The following SMYD3 variants were observed in gnomAD, a reference collection of about 807,000 sequenced individuals.
SMYD3 encodes SET and MYND domain containing 3.
In SMYD3, 36 loss-of-function variants were observed where a neutral mutation model predicts 57.7. The observed-to-expected ratio is 0.62, with a 90% CI of 0.48 to 0.82. SMYD3 has a LOEUF of 0.82. Among genes scored for constraint, SMYD3 ranks in the 40% least tolerant of loss-of-function variants. The pLI, the probability that SMYD3 is intolerant of heterozygous loss-of-function variation, is 0.00. For synonymous variants in SMYD3, 211 were observed against 195.0 expected, an observed-to-expected ratio of 1.08 and a Z score of -0.68; for missense variants, 515 against 538.8, an observed-to-expected ratio of 0.96 and a Z score of 0.44.
intron 10 of SMYD3, among the ~76,000 whole-genome samples, chr1:245,851,315 A>G (rs1180921800): frequency 1.3e-5 from 2 of 152,206 alleles, no homozygotes; most frequent in East Asian, 3.8e-4. Context: ...TTAAGTAGGT[A>G]GGTCTCCATA....
chr1:246,052,597 G>A (rs2060082746), intron 5 of SMYD3: 1 of 152,226 alleles, frequency 6.6e-6, no homozygotes, highest in Non-Finnish European at 1.5e-5. Context: ...TTGGTTGAGG[G>A]AGACAGGAGG....
intron 5 of SMYD3, among the ~76,000 whole-genome samples, chr1:245,965,988 C>G (rs1026010911): frequency 1.3e-5 from 2 of 152,076 alleles, no homozygotes; most frequent in African/African-American, 4.8e-5. Context: ...AGGGAATGGC[C>G]AAGGGTTATA....
chr1:246,198,740 C>T (rs1225498038), intron 5 of SMYD3, among the ~76,000 whole-genome samples: 1 of 152,104 alleles, frequency 6.6e-6, no homozygotes, highest in Admixed American at 6.5e-5. Flanking sequence ...AAATAAATTA[C>T]CAGTATGAAC....
intron 5 of SMYD3, among the ~76,000 whole-genome samples, chr1:246,208,415 T>C (rs575700664): frequency 2.6e-5 from 4 of 152,262 alleles, no homozygotes; most frequent in African/African-American, 9.6e-5. Flanking sequence ...TTCATGATAA[T>C]AGAGTTAAAT....
intron 5 of SMYD3, among the ~76,000 whole-genome samples, chr1:246,113,068 G>C (rs1345148301): frequency 6.6e-6 from 1 of 152,044 alleles, no homozygotes; most frequent in Non-Finnish European, 1.5e-5. Context: ...TGTAATCTCA[G>C]ATACTCAGGA....
At chr1:245,785,452 T>C (rs1025588160) in intron 10 of SMYD3, among the ~76,000 whole-genome samples, 3 of 152,120 alleles carry the variant, frequency 2.0e-5, no homozygotes, top group African/African-American at 7.2e-5. Flanking sequence ...GCAGATGCAA[T>C]ACTGTGCCTT....
At chr1:246,352,833 CA>C (rs2065852873) in intron 2 of SMYD3, among the ~76,000 whole-genome samples, 1 of 151,996 alleles carries the variant, frequency 6.6e-6, no homozygotes, top group Admixed American at 6.5e-5. Context: ...AGTCACAAAA[CA>C]GGGGAAAAAA....
rs2059088627 is a variant in SMYD3 at position 246,002,519 on chromosome 1, CAT to C, written c.532-72584_532-72583del. Among the ~76,000 whole-genome samples, 8 of 65,420 alleles carry C rather than the reference CAT, an allele frequency of 1.2e-4. 1 individual carries two copies. Among genetic ancestry groups the C allele is most frequent in the African/African-American group, 2.5e-4 (5 of 19,612 alleles). The allele number at this position is 65,420 out of a possible 152,430, so 42.9% of individuals were successfully genotyped here. A position where few individuals can be genotyped will look rare whatever the true frequency, so the allele number is the denominator to read the frequency against. On this transcript the variant is annotated intron_variant, in intron 5 of 11. Transcript: ENST00000490107. ...ATTTTTAGTAGAGACGGGGTTTCAC[CAT>C]GTTAGCCAGGATGGTCTCGATCTCC...
intron 5 of SMYD3, among the ~76,000 whole-genome samples, chr1:246,223,780 C>T (rs372295521): frequency 6.6e-6 from 1 of 152,242 alleles, no homozygotes; most frequent in East Asian, 1.9e-4. Context: ...ACCTGACAAG[C>T]ACAGCTGACT....
intron 5 of SMYD3, among the ~76,000 whole-genome samples, chr1:246,186,122 T>C (rs909188780): frequency 4.6e-5 from 7 of 152,192 alleles, no homozygotes; most frequent in African/African-American, 1.7e-4. Context: ...TTTACTGTAT[T>C]GTTAAGAAAT....
Position 245,795,616 on chromosome 1 carries a change from T to C in SMYD3, c.1077-31467A>G, listed in dbSNP as rs1053085316. On this transcript the variant is annotated intron_variant, in intron 10 of 11. Coordinates refer to ENST00000490107, the MANE Select transcript of SMYD3 (RefSeq NM_001167740.2). ...TTGTCTCTTGTGGCCTAAAGCATGA[T>C]CTAACCATGCCAGCTCACCAAGGAG... Among the ~76,000 whole-genome samples, 3 of 152,322 alleles carry C rather than the reference T, an allele frequency of 2.0e-5. No homozygotes were observed. The South Asian group carries it at 6.2e-4, about 32-fold the overall frequency.
At chr1:246,294,332 T>C (rs2064753563) in intron 5 of SMYD3, among the ~76,000 whole-genome samples, 1 of 152,186 alleles carries the variant, frequency 6.6e-6, no homozygotes, top group Admixed American at 6.5e-5. Context: ...AGAGTTAGCT[T>C]TAGCAAATTC....
At chr1:246,339,032 G>C (rs774891362) in intron 2 of SMYD3, among the ~76,000 whole-genome samples, 2 of 152,146 alleles carry the variant, frequency 1.3e-5, no homozygotes, top group Non-Finnish European at 2.9e-5. Flanking sequence ...ATAATTGTCT[G>C]AGCCTAGAAC....
intron 5 of SMYD3, among the ~76,000 whole-genome samples, chr1:246,089,980 G>A (rs868014674): frequency 2.0e-5 from 3 of 151,650 alleles, no homozygotes; most frequent in African/African-American, 7.3e-5. Context: ...TCCACTGGCT[G>A]GCACTAGAAG....
rs564864548 is a variant in SMYD3 at position 246,053,516 on chromosome 1, G to A, written c.532-123579C>T. ...CAGAAACAGGCCTACACAAACATGG[G>A]CAATTGATCTCCAACAAAGATGAAA... is the stretch of plus-strand genomic sequence containing the variant. On this transcript the variant is annotated intron_variant, in intron 5 of 11. Transcript: ENST00000490107. Among the ~76,000 whole-genome samples, 22 of 152,202 alleles carry A rather than the reference G, an allele frequency of 1.4e-4. No homozygotes were observed. The East Asian group carries it at 3.9e-3, about 27-fold the overall frequency.
At chr1:246,025,599 C>G (rs979256203) in intron 5 of SMYD3, among the ~76,000 whole-genome samples, 1 of 152,144 alleles carries the variant, frequency 6.6e-6, no homozygotes. Context: ...CCACACCAAC[C>G]ACAAAGAAAG....
intron 5 of SMYD3, among the ~76,000 whole-genome samples, chr1:246,121,359 T>C (rs1324544893): frequency 6.6e-6 from 1 of 151,796 alleles, no homozygotes; most frequent in African/African-American, 2.4e-5. Flanking sequence ...TCTTGTTTTG[T>C]TTTGTGTTTA....
At chr1:245,771,061 T>C (rs182038145) in intron 10 of SMYD3, among the ~76,000 whole-genome samples, 12 of 150,530 alleles carry the variant, frequency 8.0e-5, no homozygotes, top group South Asian at 2.1e-4. Flanking sequence ...CACACACACA[T>C]ACACACATAT....
At chr1:245,884,450 T>C (rs2052970046) in intron 8 of SMYD3, among the ~76,000 whole-genome samples, 1 of 152,170 alleles carries the variant, frequency 6.6e-6, no homozygotes, top group South Asian at 2.1e-4. Flanking sequence ...GGGGTTTTTA[T>C]AGACAAGCTT....
Sources: allele counts gnomAD v4.1 joint callset (sites outside exome capture counted in the v4.1 genomes callset), GRCh38; gene constraint gnomAD v4.1.1; transcripts MANE v1.5; gene names NCBI Gene and HGNC (gene_info 2026-07-23, HGNC 2026-07-21).